ZNF362: variants seen among roughly 807,000 people sequenced by gnomAD.
ZNF362 encodes rotund homolog.
In ZNF362, 11 loss-of-function variants were observed where a neutral mutation model predicts 42.9. That is an observed-to-expected ratio of 0.26 (90% CI 0.16 to 0.42). The LOEUF (loss-of-function observed/expected upper bound fraction) is 0.42, where lower values mean the gene tolerates loss of function less well. ZNF362 is among the 20% of genes least tolerant of loss of function. The pLI is 1.00. For synonymous variants in ZNF362, 255 were observed against 257.3 expected, an observed-to-expected ratio of 0.99 and a Z score of 0.09; for missense variants, 362 against 576.2, an observed-to-expected ratio of 0.63 and a Z score of 3.81.
At chr1:33,211,598 A>G in the ZNF362 span, among the ~76,000 whole-genome samples, 2 of 152,156 alleles carry the variant, frequency 1.3e-5, no homozygotes, top group Non-Finnish European at 2.9e-5. Context: ...GTTTCTGCAG[A>G]GAGATCTGCT....
chr1:33,295,329 C>A, intron 8 of ZNF362, 24 bp downstream of exon 8: 1 of 1,609,434 alleles, frequency 6.2e-7, no homozygotes, highest in South Asian at 1.1e-5. Flanking sequence ...GGCCTGTGCC[C>A]TGCCCCGGGG....
At chr1:33,282,203 C>T (rs575746536) in intron 6 of ZNF362, among the ~76,000 whole-genome samples, 40 of 152,330 alleles carry the variant, frequency 2.6e-4, no homozygotes, top group Middle Eastern at 6.8e-3. Context: ...TAGGCTGTCA[C>T]GCCCGTGTCT....
At chr1:33,243,810 C>T in the ZNF362 span, among the ~76,000 whole-genome samples, 2 of 149,808 alleles carry the variant, frequency 1.3e-5, no homozygotes, top group African/African-American at 2.5e-5. Flanking sequence ...AGGGTTTCAC[C>T]GTGTTAGCCA....
At chr1:33,239,301 G>A in the ZNF362 span, among the ~76,000 whole-genome samples, 1 of 152,080 alleles carries the variant, frequency 6.6e-6, no homozygotes, top group African/African-American at 2.4e-5. Context: ...GGCCCTAATA[G>A]GGGCCCCAAA....
the ZNF362 span, chr1:33,165,504 C>T: frequency 6.2e-7 from 1 of 1,609,430 alleles, no homozygotes; most frequent in Non-Finnish European, 8.5e-7. This position sits in a 1 kb window ranked among gnomAD's most constrained non-coding sequence, Gnocchi z 4.0. Context: ...TGAGCAGCTG[C>T]AGCGCTTCGG....
the ZNF362 span, chr1:33,158,474 G>A: frequency 1.2e-6 from 1 of 822,902 alleles, no homozygotes; most frequent in Non-Finnish European, 2.1e-6. Context: ...ATGTGGTCAT[G>A]AGTGAGAAGT....
At chr1:33,236,553 ATATATAT>A in the ZNF362 span, among the ~76,000 whole-genome samples, 12 of 93,024 alleles carry the variant, frequency 1.3e-4, no homozygotes, top group African/African-American at 2.5e-4. Flanking sequence ...AAAAAAAAAT[ATATATAT>A]ATATATATAT....
chr1:33,258,705 A>G (rs1168335377), intron 1 of ZNF362, among the ~76,000 whole-genome samples: 5 of 152,188 alleles, frequency 3.3e-5, no homozygotes, highest in Non-Finnish European at 7.4e-5. Flanking sequence ...AGAATGGGAC[A>G]GCACGATCCC....
chr1:33,181,530 C>A, the ZNF362 span: 1 of 1,448,352 alleles, frequency 6.9e-7, no homozygotes, highest in Non-Finnish European at 9.0e-7. This position sits in a 1 kb window ranked among gnomAD's most constrained non-coding sequence, Gnocchi z 6.5. Context: ...GGCGCGGGGA[C>A]GAGGCCCGCA....
At chr1:33,189,636 T>TATATATATAC in the ZNF362 span, among the ~76,000 whole-genome samples, 1 of 13,208 alleles carries the variant, frequency 7.6e-5, no homozygotes, top group Non-Finnish European at 2.6e-4. Flanking sequence ...CATTCCAGCA[T>TATATATATAC]ATATATATAT....
At chr1:33,276,310 G>T in intron 3 of ZNF362, 38 bp from the exon 4 acceptor site, 1 of 1,538,622 alleles carries the variant, frequency 6.5e-7, no homozygotes. Flanking sequence ...GGCGGGAGGT[G>T]GTCCAGACCT....
the ZNF362 span, among the ~76,000 whole-genome samples, chr1:33,224,434 T>A: frequency 1.3e-5 from 2 of 152,194 alleles, no homozygotes; most frequent in South Asian, 4.1e-4. Context: ...TAACATTGTG[T>A]CTCTTACATT....
At chr1:33,269,114 T>C (rs962104720) in intron 1 of ZNF362, among the ~76,000 whole-genome samples, 1 of 152,158 alleles carries the variant, frequency 6.6e-6, no homozygotes, top group African/African-American at 2.4e-5. Flanking sequence ...ACCCTCCAAG[T>C]TGTGCTTTGA....
At chr1:33,212,103 G>T in the ZNF362 span, among the ~76,000 whole-genome samples, 7 of 152,092 alleles carry the variant, frequency 4.6e-5, no homozygotes, top group Non-Finnish European at 7.4e-5. Flanking sequence ...CATGAGATCT[G>T]GTTGTTAAAA....
At chr1:33,191,793 G>A in the ZNF362 span, among the ~76,000 whole-genome samples, 1 of 152,130 alleles carries the variant, frequency 6.6e-6, no homozygotes, top group South Asian at 2.1e-4. Flanking sequence ...GCATAAGCCT[G>A]GCCAAAATCC....
chr1:33,205,986 C>A, the ZNF362 span, among the ~76,000 whole-genome samples: 159 of 152,136 alleles, frequency 1.0e-3, 1 homozygote, highest in South Asian at 0.015. Flanking sequence ...CAAATATAGA[C>A]CCGTGTTTAT....
At chr1:33,220,835 G>A in the ZNF362 span, among the ~76,000 whole-genome samples, 3 of 152,154 alleles carry the variant, frequency 2.0e-5, no homozygotes. Flanking sequence ...TTCAGCCACC[G>A]TTAGGTCACC....
In ZNF362 at chr1:33,300,552, C is replaced by G. The variant is rs1414963001; in HGVS notation, c.*1506C>G. The stretch of plus-strand genomic sequence containing the variant: ...CAGGGAGGTGAGGGCAGGTGCCCCT[C>G]AGACACTTCAGGAAGGTAGTTTGCA... On this transcript the variant is annotated 3_prime_UTR_variant, in exon 9 of 9. Coordinates refer to ENST00000539719, the MANE Select transcript of ZNF362 (RefSeq NM_152493.3). 1 of 152,012 alleles carries G rather than the reference C, an allele frequency of 6.6e-6. No individual in the cohort carries two copies. The highest frequency in any genetic ancestry group is 1.5e-5 in the Non-Finnish European group (1 of 68,024). The allele number at this position is 152,012 out of a possible 1,614,324, so 9.4% of individuals were successfully genotyped here.
At chr1:33,140,667 C>CCAG in the ZNF362 span, among the ~76,000 whole-genome samples, 1 of 152,234 alleles carries the variant, frequency 6.6e-6, no homozygotes, top group African/African-American at 2.4e-5. The surrounding 1 kb of genome is among the most constrained non-coding windows in gnomAD (Gnocchi z 4.0). Context: ...CCCTGCAGCT[C>CCAG]CAGCAGCTGC....
Sources: gnomAD v4.1 joint callset for allele counts (sites outside exome capture counted in the v4.1 genomes callset) on GRCh38, gnomAD v4.1.1 for gene constraint, Gnocchi (gnomAD v3.1) non-coding constraint, MANE v1.5 for transcripts, NCBI Gene and HGNC (gene_info 2026-07-23, HGNC 2026-07-21) for gene names.